Variants in BTRC observed in about 807,000 individuals in gnomAD.
BTRC encodes the protein beta-transducin repeat containing E3 ubiquitin protein ligase, also known as F-box/WD repeat-containing protein 1A.
A neutral mutation model predicts 85.5 loss-of-function variants in BTRC; 42 were observed. That is an observed-to-expected ratio of 0.49 (90% CI 0.38 to 0.64). The LOEUF (loss-of-function observed/expected upper bound fraction) is 0.64, where lower values mean the gene tolerates loss of function less well. BTRC is among the 30% of genes least tolerant of loss of function. The pLI is 0.00. For missense variants in BTRC, 594 were observed against 743.5 expected (o/e 0.80, Z 2.34); for synonymous variants, 255 against 263.3 (o/e 0.97, Z 0.30).
chr10:101,430,325 T>A lies in BTRC; in HGVS notation c.49-20T>A. 1 of 1,581,446 alleles carries A rather than the reference T, an allele frequency of 6.3e-7. No individual in the cohort carries two copies. Among genetic ancestry groups the A allele is most frequent in the Non-Finnish European group, 8.7e-7 (1 of 1,152,208 alleles). ...TCCTGTCTCATACTGTCCCATCTCA[T>A]AGTTGTCCTCTCTCTGCAGTGCTCT... is the stretch of plus-strand genomic sequence containing the variant. On this transcript the variant is annotated intron_variant, in intron 1 of 14. Transcript: ENST00000370187.
intron 1 of BTRC, among the ~76,000 whole-genome samples, chr10:101,359,982 A>G (rs1191354807): frequency 1.3e-5 from 2 of 152,230 alleles, no homozygotes; most frequent in Non-Finnish European, 2.9e-5. Flanking sequence ...TGGAGTAAAA[A>G]TTCAACTTTG....
At chr10:101,445,340 G>C (rs1029568718) in intron 2 of BTRC, among the ~76,000 whole-genome samples, 7 of 152,044 alleles carry the variant, frequency 4.6e-5, no homozygotes, top group Admixed American at 4.6e-4. Flanking sequence ...AAAAAATTTT[G>C]TTTTCCCTAT....
At chr10:101,435,330 T>G (rs1944500809) in intron 2 of BTRC, among the ~76,000 whole-genome samples, 1 of 152,198 alleles carries the variant, frequency 6.6e-6, no homozygotes. Context: ...TTTCATAATC[T>G]GAGTTTCCTC....
chr10:101,435,079 T>C (rs1396479005), intron 2 of BTRC, among the ~76,000 whole-genome samples: 1 of 152,114 alleles, frequency 6.6e-6, no homozygotes, highest in East Asian at 1.9e-4. Flanking sequence ...AGAAACTGGA[T>C]TTGAATCTAG....
intron 1 of BTRC, among the ~76,000 whole-genome samples, chr10:101,367,561 T>G (rs998655288): frequency 1.3e-5 from 2 of 152,266 alleles, no homozygotes; most frequent in South Asian, 4.1e-4. Context: ...GGAATAGAAC[T>G]TTGCCAGCAC....
rs1406909617 is a variant in BTRC, at chr10:101,527,821, A to C, written c.743+1622A>C. 2.3e-5 allele frequency among the ~76,000 whole-genome samples: 3 copies of C among 129,710 alleles called. No homozygotes were observed. The East Asian group carries it at 6.2e-4, about 27-fold the overall frequency. The allele number at this position is 129,710 out of a possible 152,430, so 85.1% of individuals were successfully genotyped here. Reference sequence around the variant, plus strand: ...ACACACACACACACACACACACACAAAAGAATATTATTACTACTTCTCAAA... The same window carrying C: ...ACACACACACACACACACACACACACAAGAATATTATTACTACTTCTCAAA... On this transcript the variant is annotated intron_variant, in intron 6 of 14. Coordinates refer to ENST00000370187, the MANE Select transcript of BTRC (RefSeq NM_033637.4).
chr10:101,354,078 C>A (rs538592524), upstream of BTRC: 8 of 1,354,184 alleles, frequency 5.9e-6, no homozygotes, highest in African/African-American at 8.9e-5. Context: ...TAAGAGAGGG[C>A]GGGGGGAAGG....
intron 4 of BTRC, among the ~76,000 whole-genome samples, chr10:101,495,106 G>A (rs1267494793): frequency 3.4e-4 from 51 of 152,142 alleles, no homozygotes; most frequent in Non-Finnish European, 2.9e-5. Context: ...AAAGAGCAGG[G>A]TTCTCCTAAT....
At chr10:101,500,181 C>T (rs181811395) in intron 4 of BTRC, among the ~76,000 whole-genome samples, 85 of 151,744 alleles carry the variant, frequency 5.6e-4, no homozygotes, top group African/African-American at 1.8e-3. Context: ...AGTGTACTTC[C>T]GCAAATCTAA....
At chr10:101,490,671 A>G (rs1318354254) in intron 4 of BTRC, among the ~76,000 whole-genome samples, 1 of 151,998 alleles carries the variant, frequency 6.6e-6, no homozygotes, top group Non-Finnish European at 1.5e-5. Context: ...AGCAAATGTT[A>G]TTTTCTCATC....
At chr10:101,486,068 G>T (rs923144872) in intron 4 of BTRC, among the ~76,000 whole-genome samples, 1 of 152,190 alleles carries the variant, frequency 6.6e-6, no homozygotes, top group African/African-American at 2.4e-5. Context: ...TGCCTTTTCA[G>T]CAGACAGCTG....
At chr10:101,487,114 A>G (rs1273508763) in intron 4 of BTRC, among the ~76,000 whole-genome samples, 1 of 152,212 alleles carries the variant, frequency 6.6e-6, no homozygotes, top group African/African-American at 2.4e-5. Context: ...ATTTGTTGTT[A>G]TATGGGACAA....
In BTRC at chr10:101,521,858, AC is replaced by A; in HGVS notation, c.545del (p.Thr182MetfsTer37). ...LKPMLQRDFITALPARGLDHI... is the reference protein window; with the variant it reads ...LKPMLQRDFIXALPARGLDHI... ...ACCTATGTTGCAGAGAGATTTCATA[AC>A]TGCTCTGCCAGGTATGTCTACAAGT... On this transcript the variant is annotated frameshift_variant, in exon 5 of 15. Transcript: ENST00000370187. LOFTEE classifies it high-confidence loss of function. 6.2e-7 allele frequency: 1 copy of A among 1,609,294 alleles called. No individual in the cohort carries two copies. Among genetic ancestry groups the A allele is most frequent in the Non-Finnish European group, 8.5e-7 (1 of 1,175,642 alleles).
chr10:101,538,500 G>A (rs2062420248), intron 13 of BTRC, 129 bp downstream of exon 13: 3 of 765,450 alleles, frequency 3.9e-6, no homozygotes, highest in Non-Finnish European at 6.7e-6. Flanking sequence ...AAGTGGTAAG[G>A]CAACCAGTAC....
chr10:101,383,655 G>C (rs1033104013), intron 1 of BTRC, among the ~76,000 whole-genome samples: 4 of 152,140 alleles, frequency 2.6e-5, no homozygotes, highest in Non-Finnish European at 4.4e-5. Context: ...ATGAGCCACT[G>C]TGCTGACCTT....
intron 4 of BTRC, among the ~76,000 whole-genome samples, chr10:101,503,259 T>C (rs1046227802): frequency 6.6e-6 from 1 of 152,210 alleles, no homozygotes; most frequent in Non-Finnish European, 1.5e-5. Context: ...CTTTTGGTTA[T>C]AGAAATGCAT....
At chr10:101,497,654 C>T (rs930946777) in intron 4 of BTRC, among the ~76,000 whole-genome samples, 7 of 152,068 alleles carry the variant, frequency 4.6e-5, no homozygotes, top group African/African-American at 1.4e-4. Context: ...TGCAGTGAAC[C>T]GTGATCATGC....
At chr10:101,414,218 C>A (rs73348103) in intron 1 of BTRC, among the ~76,000 whole-genome samples, 4,116 of 152,256 alleles carry the variant, frequency 0.027, 193 homozygotes, top group African/African-American at 0.091. Context: ...TTATACAGTA[C>A]AGGCATGCAC....
chr10:101,536,293 C>G (rs759274821), intron 11 of BTRC, among the ~76,000 whole-genome samples: 1 of 152,228 alleles, frequency 6.6e-6, no homozygotes, highest in Non-Finnish European at 1.5e-5. Context: ...CTGGAAGAAC[C>G]TGTTTACAGA....
Sources: gnomAD v4.1 joint callset for allele counts (sites outside exome capture counted in the v4.1 genomes callset) on GRCh38, gnomAD v4.1.1 for gene constraint, MANE v1.5 for transcripts, NCBI Gene and HGNC (gene_info 2026-07-23, HGNC 2026-07-21) for gene names.